The following PCM1 variants were observed in gnomAD, a reference collection of about 807,000 sequenced individuals.
PCM1 encodes the protein pericentriolar material 1 protein.
In PCM1, 157 loss-of-function variants were observed where a neutral mutation model predicts 241.9. The observed-to-expected ratio is 0.65, with a 90% CI of 0.57 to 0.74. The LOEUF is 0.74. Ranked by LOEUF, PCM1 falls within the 30% of genes least tolerant of loss-of-function variation. The pLI is 0.00. For missense variants in PCM1, 3,478 were observed against 2,360.1 expected (o/e 1.47, Z -9.81); for synonymous variants, 1,085 against 784.9 (o/e 1.38, Z -6.39).
At chr8:17,981,944 C>T (rs757550425) in intron 24 of PCM1, among the ~76,000 whole-genome samples, 38 of 151,204 alleles carry the variant, frequency 2.5e-4, no homozygotes, top group Non-Finnish European at 4.3e-4. Flanking sequence ...GTTGTCTCAA[C>T]AGTATGGTTT....
At chr8:18,012,866 T>C (rs1296511712) in intron 34 of PCM1, among the ~76,000 whole-genome samples, 1 of 152,230 alleles carries the variant, frequency 6.6e-6, no homozygotes, top group Non-Finnish European at 1.5e-5. Context: ...ATTTCAGCTG[T>C]CATATTTTTA....
At chr8:18,015,518 T>A (rs1275179813) in intron 36 of PCM1, among the ~76,000 whole-genome samples, 1 of 149,270 alleles carries the variant, frequency 6.7e-6, no homozygotes, top group Non-Finnish European at 1.5e-5. Flanking sequence ...GAGAAGGTAC[T>A]TGATAAAAGA....
chr8:18,000,315 T>G (rs2088827315), intron 29 of PCM1, among the ~76,000 whole-genome samples: 1 of 152,152 alleles, frequency 6.6e-6, no homozygotes, highest in African/African-American at 2.4e-5. Flanking sequence ...TGGTTAGAAG[T>G]TTGGACTTTG....
chr8:17,975,667 G>C (rs146023211), intron 23 of PCM1, among the ~76,000 whole-genome samples: 228 of 152,238 alleles, frequency 1.5e-3, no homozygotes, highest in African/African-American at 5.2e-3. Flanking sequence ...CAGTTATACT[G>C]TCCCATACTT....
In PCM1 at chr8:17,953,258, G is replaced by A. The variant is rs182969852; in HGVS notation, c.1288+72G>A. 101 of 724,084 alleles carry A rather than the reference G, an allele frequency of 1.4e-4. 1 individual carries two copies. The Admixed American group carries it at 1.5e-3, about 11-fold the overall frequency. 44.9% of individuals were successfully genotyped at this position (724,084 alleles called of 1,614,324 possible). A position where few individuals can be genotyped will look rare whatever the true frequency, so the allele number is the denominator to read the frequency against. ...TATATACTGTCACATAATAAATTTA[G>A]TATTTGGTGAATGAACACATAGCTC... On this transcript the variant is annotated intron_variant, in intron 9 of 38. Transcript: ENST00000325083.
chr8:17,925,213 T>G (rs2056454584), intron 2 of PCM1: 1 of 152,370 alleles, frequency 6.6e-6, no homozygotes, highest in South Asian at 2.1e-4. Flanking sequence ...TGTCTAAAAT[T>G]ACTTTATTAT....
chr8:17,987,316 TGA>T (rs2082934954), intron 26 of PCM1, among the ~76,000 whole-genome samples: 1 of 151,790 alleles, frequency 6.6e-6, no homozygotes, highest in African/African-American at 2.4e-5. Context: ...TGAAACAACT[TGA>T]GAGAGAATGA....
intron 15 of PCM1, among the ~76,000 whole-genome samples, chr8:17,960,895 T>C (rs2071538304): frequency 6.6e-6 from 1 of 151,896 alleles, no homozygotes; most frequent in Non-Finnish European, 1.5e-5. Context: ...TAATGAAGAG[T>C]TGGGGTTATA....
intron 24 of PCM1, among the ~76,000 whole-genome samples, chr8:17,984,420 TTAGTG>T (rs1207626917): frequency 2.6e-5 from 4 of 151,972 alleles, no homozygotes; most frequent in African/African-American, 9.7e-5. Context: ...TACGAGAACT[TTAGTG>T]TATCACTTGA....
chr8:17,984,334 G>A (rs1244733892), intron 24 of PCM1, among the ~76,000 whole-genome samples: 1 of 151,856 alleles, frequency 6.6e-6, no homozygotes, highest in Non-Finnish European at 1.5e-5. Context: ...CATTAGAAGA[G>A]ATTGCTTACA....
rs35468848 is a variant in PCM1 at position 17,961,304 on chromosome 8, CTTTT to C, written c.2323-709_2323-706del. On this transcript the variant is annotated intron_variant, in intron 15 of 38. Coordinates refer to ENST00000325083, the MANE Select transcript of PCM1 (RefSeq NM_006197.4). ...TATTTTCCCAGAGTTTATTGGCTAG[CTTTT>C]TTTTTTTTTTTTTTTTTTTTGAGAC... 1.1e-3 allele frequency among the ~76,000 whole-genome samples: 84 copies of C among 79,122 alleles called. 1 individual carries two copies. The highest frequency in any genetic ancestry group is 4.0e-3 in the African/African-American group (75 of 18,970). 51.9% of individuals were successfully genotyped at this position (79,122 alleles called of 152,430 possible).
chr8:17,991,708 T>G lies in PCM1; in HGVS notation c.4690+8T>G. 6.5e-7 allele frequency: 1 copy of G among 1,538,838 alleles called. No individual in the cohort carries two copies. The highest frequency in any genetic ancestry group is 8.8e-7 in the Non-Finnish European group (1 of 1,140,188). ...CAGTTAATAATTTAGAAGGTATATATTTTTGTTTTCGGTAGGTTTTTGGAG... is the reference window on the plus strand; with the variant it reads ...CAGTTAATAATTTAGAAGGTATATAGTTTTGTTTTCGGTAGGTTTTTGGAG... On this transcript the variant is annotated splice_region_variant and intron_variant, in intron 28 of 38. Transcript: ENST00000325083.
chr8:17,953,469 T>C (rs976259630), intron 9 of PCM1, among the ~76,000 whole-genome samples: 1 of 152,174 alleles, frequency 6.6e-6, no homozygotes, highest in African/African-American at 2.4e-5. Context: ...GGCAACTGTT[T>C]GATACGTGGA....
intron 13 of PCM1, among the ~76,000 whole-genome samples, chr8:17,958,696 T>C (rs531282915): frequency 6.6e-6 from 1 of 150,940 alleles, no homozygotes; most frequent in South Asian, 2.1e-4. Context: ...GAGCGTGCTC[T>C]CTCGGTTCAA....
At position 17,957,598 on chromosome 8, in the gene PCM1, T is replaced by TGAG. The variant is rs556667613; in HGVS notation, c.1875_1877dup (p.Glu627dup). The TGAG allele has an allele frequency of 2.5e-6, 4 of 1,573,504 alleles. No individual in the cohort carries two copies. The highest frequency in any genetic ancestry group is 1.9e-5 in the Admixed American group (1 of 52,780). On this transcript the variant is annotated inframe_insertion, in exon 13 of 39. Coordinates refer to ENST00000325083, the MANE Select transcript of PCM1 (RefSeq NM_006197.4). ...TTCATGTTGCACAAGGTGAAGATGA[T>TGAG]GAGGAGGAGGAGGAAGAAGCAGAAG...
At chr8:18,005,970 C>G (rs1402469020) in intron 29 of PCM1, 2 of 255,228 alleles carry the variant, frequency 7.8e-6, no homozygotes, top group Non-Finnish European at 7.4e-6. Context: ...GAATAGTTCT[C>G]CTTAAGGTAC....
At chr8:18,010,764 C>A in intron 32 of PCM1, 96 bp downstream of exon 32, 1 of 774,294 alleles carries the variant, frequency 1.3e-6, no homozygotes, top group Non-Finnish European at 2.0e-6. Context: ...GGGTGGATCA[C>A]GAGGTCAAGA....
chr8:18,015,104 A>ATGATGCATGAATCCTCCT (rs1310910798), intron 36 of PCM1, among the ~76,000 whole-genome samples: 1 of 152,198 alleles, frequency 6.6e-6, no homozygotes, highest in Admixed American at 6.5e-5. Flanking sequence ...TGAAGTGGTA[A>ATGATGCATGAATCCTCCT]TGATGCATGA....
In PCM1 at chr8:17,985,306, C is replaced by G. The variant is rs866556663; in HGVS notation, c.4109-141C>G. 8 of 532,740 alleles carry G rather than the reference C, an allele frequency of 1.5e-5. No individual in the cohort carries two copies. The South Asian group carries it at 2.2e-4, about 15-fold the overall frequency. The allele number at this position is 532,740 out of a possible 1,614,324, so 33.0% of individuals were successfully genotyped here. On this transcript the variant is annotated intron_variant, in intron 24 of 38. Coordinates refer to ENST00000325083, the MANE Select transcript of PCM1 (RefSeq NM_006197.4). ...ATCTTGGTAATATTAAGCTTCTTTT[C>G]TACTTTAAAAGCTCTGAAATAGAAT...
Sources: gnomAD v4.1 joint callset for allele counts (sites outside exome capture counted in the v4.1 genomes callset) on GRCh38, gnomAD v4.1.1 for gene constraint, MANE v1.5 for transcripts, NCBI Gene and HGNC (gene_info 2026-07-23, HGNC 2026-07-21) for gene names.